CDH1: variants seen among roughly 807,000 people sequenced by gnomAD.
CDH1 encodes the protein cadherin 1, also known as cadherin-1.
CDH1 carries 35 observed loss-of-function variants against 84.5 expected under a neutral mutation model. The ratio of observed to expected loss-of-function variants is 0.41; its 90% confidence interval spans 0.32 to 0.55. The LOEUF (loss-of-function observed/expected upper bound fraction) is 0.55, where lower values mean the gene tolerates loss of function less well. Ranked by LOEUF, CDH1 falls within the 20% of genes least tolerant of loss-of-function variation. The pLI is 0.19. For missense variants in CDH1, 994 were observed against 1,126.6 expected (o/e 0.88, Z 1.68); for synonymous variants, 417 against 439.0 (o/e 0.95, Z 0.63).
At chr16:68,829,158 T>C (rs771895573) in intron 14 of CDH1, among the ~76,000 whole-genome samples, 3 of 152,142 alleles carry the variant, frequency 2.0e-5, no homozygotes, top group Non-Finnish European at 4.4e-5. Flanking sequence ...TCAGCAGATT[T>C]AGGCAGAGTT....
intron 2 of CDH1, among the ~76,000 whole-genome samples, chr16:68,749,727 C>T (rs990642512): frequency 1.3e-5 from 2 of 152,210 alleles, no homozygotes; most frequent in African/African-American, 4.8e-5. Context: ...CAGGTGATGG[C>T]AGTGCTGGGG....
chr16:68,767,914 GA>G (rs1959435974), intron 2 of CDH1, among the ~76,000 whole-genome samples: 1 of 152,050 alleles, frequency 6.6e-6, no homozygotes, highest in Non-Finnish European at 1.5e-5. Flanking sequence ...GGGCAACATA[GA>G]GAGACCCCCA....
chr16:68,745,518 A>G (rs1962697862), intron 2 of CDH1, among the ~76,000 whole-genome samples: 1 of 119,118 alleles, frequency 8.4e-6, no homozygotes, highest in South Asian at 2.9e-4. Context: ...ACTCCAGCTG[A>G]TAGAGATCCT....
chr16:68,743,362 T>TC (rs59923493), intron 2 of CDH1, among the ~76,000 whole-genome samples: 1 of 139,636 alleles, frequency 7.2e-6, no homozygotes, highest in Admixed American at 7.4e-5. Flanking sequence ...TTTCTTTCTT[T>TC]CTTTTCTTTT....
At chr16:68,762,735 CCA>C (rs1051538420) in intron 2 of CDH1, among the ~76,000 whole-genome samples, 1 of 151,874 alleles carries the variant, frequency 6.6e-6, no homozygotes, top group African/African-American at 2.4e-5. Context: ...ATGGCGAAAC[CCA>C]GTCTGTACTA....
chr16:68,754,234 C>G (rs1055901475), intron 2 of CDH1, among the ~76,000 whole-genome samples: 1 of 151,782 alleles, frequency 6.6e-6, no homozygotes, highest in Non-Finnish European at 1.5e-5. Flanking sequence ...CATAGGGAGA[C>G]CCTGTCTCTA....
At chr16:68,787,825 A>ATTTTTTTT (rs58676133) in intron 2 of CDH1, among the ~76,000 whole-genome samples, 1,964 of 102,166 alleles carry the variant, frequency 0.019, 72 homozygotes, top group African/African-American at 0.03. Flanking sequence ...CGCCCGGCTA[A>ATTTTTTTT]TTTTTTTTTT....
chr16:68,766,184 G>A (rs537009667), intron 2 of CDH1, among the ~76,000 whole-genome samples: 8 of 152,230 alleles, frequency 5.3e-5, no homozygotes, highest in South Asian at 2.1e-4. Flanking sequence ...GCTTGAACCC[G>A]GGAGGTAGAG....
At chr16:68,753,073 C>T (rs1001006821) in intron 2 of CDH1, among the ~76,000 whole-genome samples, 2 of 151,842 alleles carry the variant, frequency 1.3e-5, no homozygotes, top group African/African-American at 2.4e-5. Context: ...GCCGGCCAGG[C>T]GTGGTGGCTC....
intron 2 of CDH1, among the ~76,000 whole-genome samples, chr16:68,766,116 G>T (rs535303729): frequency 6.6e-6 from 1 of 151,966 alleles, no homozygotes; most frequent in Non-Finnish European, 1.5e-5. Context: ...AAAATTAGCC[G>T]GGTGTGGTGG....
intron 2 of CDH1, among the ~76,000 whole-genome samples, chr16:68,747,418 T>C (rs1350839619): frequency 6.6e-6 from 1 of 152,154 alleles, no homozygotes; most frequent in African/African-American, 2.4e-5. Flanking sequence ...TTCTGGGCTT[T>C]TCATAGGCAA....
At chr16:68,797,292 G>A (rs918404280) in intron 2 of CDH1, among the ~76,000 whole-genome samples, 1 of 152,216 alleles carries the variant, frequency 6.6e-6, no homozygotes, top group African/African-American at 2.4e-5. Flanking sequence ...GGATGAGGTG[G>A]GAGGATGGTT....
At position 68,825,862 on chromosome 16, in the gene CDH1, T is replaced by A. The variant is rs1012772308; in HGVS notation, c.2164+2236T>A. Among the ~76,000 whole-genome samples, 8 of 143,036 alleles carry A rather than the reference T, an allele frequency of 5.6e-5. No homozygotes were observed. In the East Asian group the frequency reaches 1.7e-3, roughly 30 times the overall value. The allele number at this position is 143,036 out of a possible 152,430, so 93.8% of individuals were successfully genotyped here. A position where few individuals can be genotyped will look rare whatever the true frequency, so the allele number is the denominator to read the frequency against. ...TCTCATTCTGTGGGCCCGGCTGGAG[T>A]GCAGTGGAGTGATCTCAGATCTCAG... On this transcript the variant is annotated intron_variant, in intron 13 of 15. Coordinates refer to ENST00000261769, the MANE Select transcript of CDH1 (RefSeq NM_004360.5).
intron 11 of CDH1, 117 bp downstream of exon 11, chr16:68,819,542 C>A: frequency 8.7e-7 from 1 of 1,143,284 alleles, no homozygotes; most frequent in Non-Finnish European, 1.3e-6. Flanking sequence ...TTTTTGTTTG[C>A]TGGATTGATT....
intron 10 of CDH1, among the ~76,000 whole-genome samples, chr16:68,816,023 T>C (rs1439786949): frequency 2.6e-5 from 4 of 152,174 alleles, no homozygotes; most frequent in African/African-American, 9.7e-5. Flanking sequence ...ATACATACTA[T>C]TGTGTTTTTT....
Position 68,828,133 on chromosome 16 carries a change from T to C in CDH1, c.2165-41T>C. On this transcript the variant is annotated intron_variant, in intron 13 of 15. Coordinates refer to ENST00000261769, the MANE Select transcript of CDH1 (RefSeq NM_004360.5). Reference sequence around the variant, plus strand: ...GCTGCTGCTTCTGGCCTTCTTTATCTTTGGCTCTCAACACTTGCTCTGTCT... The same window carrying C: ...GCTGCTGCTTCTGGCCTTCTTTATCCTTGGCTCTCAACACTTGCTCTGTCT... 1.9e-6 allele frequency: 3 copies of C among 1,612,472 alleles called. No individual in the cohort carries two copies. In the South Asian group the frequency reaches 3.3e-5, roughly 18 times the overall value.
At chr16:68,784,491 C>T (rs35165315) in intron 2 of CDH1, among the ~76,000 whole-genome samples, 291 of 152,144 alleles carry the variant, frequency 1.9e-3, no homozygotes, top group African/African-American at 6.5e-3. Flanking sequence ...TCCTTTCCAC[C>T]GCCCACATGG....
rs1407001897 is a variant in CDH1, at chr16:68,823,512, A to G, written c.2050A>G (p.Ser684Gly). Reference protein sequence around the residue: ...NKDQVTTLEVSVCDCEGAAGV... With the variant: ...NKDQVTTLEVGVCDCEGAAGV... ...AGACCAAGTGACCACCTTAGAGGTC[A>G]GCGTGTGTGACTGTGAAGGGGCCGC... is the stretch of plus-strand genomic sequence containing the variant. Residue 684 changes from serine to glycine, a missense_variant, in exon 13 of 16, where the codon AGC becomes GGC. By Grantham distance (56) the Ser-to-Gly change is moderately conservative. This residue lies in a region of CDH1 where 769 missense variants were observed against 881.8 expected (regional missense o/e 0.87). Transcript: ENST00000261769. 6.2e-6 allele frequency: 10 copies of G among 1,614,086 alleles called. No homozygotes were observed. Among genetic ancestry groups the G allele is most frequent in the Non-Finnish European group, 8.5e-6 (10 of 1,179,978 alleles).
At chr16:68,828,078 CCT>C in intron 13 of CDH1, 94 bp from the exon 14 acceptor site, 5 of 1,413,490 alleles carry the variant, frequency 3.5e-6, no homozygotes, top group Non-Finnish European at 5.0e-6. Flanking sequence ...CTAACTGCCC[CCT>C]GTCTGGTATG....
Sources: gnomAD v4.1 joint callset for allele counts (sites outside exome capture counted in the v4.1 genomes callset) on GRCh38, gnomAD v4.1.1 for gene constraint, gnomAD v4.1.1 regional missense constraint, MANE v1.5 for transcripts, NCBI Gene and HGNC (gene_info 2026-07-23, HGNC 2026-07-21) for gene names.